LRCH3: variants seen among roughly 807,000 people sequenced by gnomAD.
The protein encoded by LRCH3 is leucine rich repeats and calponin homology domain containing 3, also known as DISP complex protein LRCH3.
A neutral mutation model predicts 104.5 loss-of-function variants in LRCH3; 68 were observed. The ratio of observed to expected loss-of-function variants is 0.65; its 90% confidence interval spans 0.54 to 0.80. The LOEUF is 0.80. LRCH3 is among the 30% of genes least tolerant of loss of function. LRCH3 has a pLI of 0.00. For synonymous variants in LRCH3, 344 were observed against 361.3 expected (o/e 0.95, Z 0.54); for missense variants, 951 against 953.9 (o/e 1.00, Z 0.04).
intron 1 of LRCH3, among the ~76,000 whole-genome samples, chr3:197,794,023 T>C (rs1730919014): frequency 6.6e-6 from 1 of 152,228 alleles, no homozygotes; most frequent in Admixed American, 6.5e-5. Flanking sequence ...CAATAATTTG[T>C]GGATTAAATA....
chr3:197,815,015 A>T lies in LRCH3; in HGVS notation c.370A>T (p.Ile124Phe). 2 of 1,546,040 alleles carry T rather than the reference A, an allele frequency of 1.3e-6. No individual in the cohort carries two copies. Among genetic ancestry groups the T allele is most frequent in the African/African-American group, 2.7e-5 (2 of 73,350 alleles). Residue 124 changes from isoleucine to phenylalanine, a missense_variant, in exon 2 of 21, where the codon ATT becomes TTT. By Grantham distance (21) the Ile-to-Phe change is conservative. Coordinates refer to ENST00000425562, the MANE Select transcript of LRCH3 (RefSeq NM_001365715.1). ...TTGTATTCGTTATATTCCAGAGGCAATTTTAAACCTACAAGCTCTAACATT... is the reference window on the plus strand; with the variant it reads ...TTGTATTCGTTATATTCCAGAGGCATTTTTAAACCTACAAGCTCTAACATT... The part of the protein sequence containing the change: ...QNCIRYIPEA[I>F]LNLQALTFLN...
Position 197,866,150 on chromosome 3 carries a change from C to G in LRCH3, c.1804C>G (p.Gln602Glu). Residue 602 changes from glutamine (Q) to glutamate (E), a missense_variant, in exon 17 of 21, where the codon CAG becomes GAG. By Grantham distance (29) the Gln-to-Glu change is conservative. Transcript: ENST00000425562. The part of the protein sequence containing the change: ...SPAYSFPAAI[Q>E]RNQPQRPESF... Reference sequence around the variant, plus strand: ...TGCATATTCTTTTCCTGCTGCTATCCAGAGAAATCAGCCTCAGCGCCCTGA... The same window carrying G: ...TGCATATTCTTTTCCTGCTGCTATCGAGAGAAATCAGCCTCAGCGCCCTGA... 1 of 1,613,870 alleles carries G rather than the reference C, an allele frequency of 6.2e-7. No individual in the cohort carries two copies. Among genetic ancestry groups the G allele is most frequent in the Non-Finnish European group, 8.5e-7 (1 of 1,179,888 alleles).
chr3:197,812,320 C>T (rs1299965221), intron 1 of LRCH3, among the ~76,000 whole-genome samples: 1 of 151,944 alleles, frequency 6.6e-6, no homozygotes. Flanking sequence ...CATGTTGTAC[C>T]ATGTCAAAGA....
intron 1 of LRCH3, among the ~76,000 whole-genome samples, chr3:197,802,985 A>G (rs1580549491): frequency 6.6e-6 from 1 of 152,222 alleles, no homozygotes; most frequent in Non-Finnish European, 1.5e-5. Flanking sequence ...GAAAAAGTCA[A>G]GCATTCAGAA....
rs753160632 is a variant in LRCH3 at position 197,888,215 on chromosome 3, G to A, written c.*4549G>A. 1 of 152,328 alleles carries A rather than the reference G, an allele frequency of 6.6e-6. No individual in the cohort carries two copies. The highest frequency in any genetic ancestry group is 2.1e-4 in the South Asian group (1 of 4,830). The allele number at this position is 152,328 out of a possible 1,614,324, so 9.4% of individuals were successfully genotyped here. ...CTTTCTATATACACAGTGCAGTTGA[G>A]ATGGTTTACAGCAAATTTCGTTTTA... On this transcript the variant is annotated 3_prime_UTR_variant, in exon 21 of 21. Transcript: ENST00000425562.
At chr3:197,807,391 G>C (rs920016502) in intron 1 of LRCH3, among the ~76,000 whole-genome samples, 5 of 151,596 alleles carry the variant, frequency 3.3e-5, no homozygotes, top group African/African-American at 1.2e-4. Flanking sequence ...TCATTTTTTT[G>C]TATTTCTTTT....
At chr3:197,803,813 A>G (rs1732159753) in intron 1 of LRCH3, among the ~76,000 whole-genome samples, 1 of 152,214 alleles carries the variant, frequency 6.6e-6, no homozygotes, top group Non-Finnish European at 1.5e-5. Context: ...AAGAATCTGC[A>G]TTTGCATTTC....
rs547846838 is a variant in LRCH3, at chr3:197,847,571, T to C, written c.1380+111T>C. The C allele has an allele frequency of 1.3e-5, 10 of 769,330 alleles. No homozygotes were observed. In the East Asian group the frequency reaches 3.1e-4, roughly 24 times the overall value. The allele number at this position is 769,330 out of a possible 1,614,324, so 47.7% of individuals were successfully genotyped here. A position where few individuals can be genotyped will look rare whatever the true frequency, so the allele number is the denominator to read the frequency against. On this transcript the variant is annotated intron_variant, in intron 11 of 20. Transcript: ENST00000425562. The stretch of plus-strand genomic sequence containing the variant: ...CCAGGTATATTTAAGCATTACTAGC[T>C]GTCTCAATCGATTAATATAACATAT...
chr3:197,818,492 A>G (rs1291508914), intron 3 of LRCH3, among the ~76,000 whole-genome samples: 1 of 152,224 alleles, frequency 6.6e-6, no homozygotes, highest in African/African-American at 2.4e-5. Context: ...CACTTTTTCC[A>G]GGTAGATTAT....
At chr3:197,859,189 T>C (rs1036122915) in intron 15 of LRCH3, 5 of 398,072 alleles carry the variant, frequency 1.3e-5, no homozygotes, top group Non-Finnish European at 2.3e-5. Flanking sequence ...ATTATTTCAC[T>C]TTGGTTAGTA....
In LRCH3 at chr3:197,792,577, T is replaced by TA. The variant is rs1730660774; in HGVS notation, c.262+1037_262+1038insA. 7.9e-4 allele frequency among the ~76,000 whole-genome samples: 16 copies of TA among 20,346 alleles called. 1 individual carries two copies. The highest frequency in any genetic ancestry group is 2.7e-3 in the East Asian group (1 of 374). 13.3% of individuals were successfully genotyped at this position (20,346 alleles called of 152,430 possible). On this transcript the variant is annotated intron_variant, in intron 1 of 20. Transcript: ENST00000425562. ...CAGCCGCCACCACGCCCAGCTAATT[T>TA]TATATATATATATATATATATATAT...
chr3:197,850,289 T>G (rs1739387833), intron 12 of LRCH3: 1 of 621,334 alleles, frequency 1.6e-6, no homozygotes, highest in Non-Finnish European at 2.8e-6. Flanking sequence ...AGGCACTATT[T>G]TAAGTACATT....
chr3:197,832,341 T>C, intron 8 of LRCH3, 24 bp downstream of exon 8: 1 of 1,608,874 alleles, frequency 6.2e-7, no homozygotes, highest in Non-Finnish European at 8.5e-7. Context: ...CGGTGACAGC[T>C]AAAGTGTTTG....
intron 17 of LRCH3, among the ~76,000 whole-genome samples, chr3:197,869,068 T>A (rs1007811295): frequency 6.6e-6 from 1 of 152,254 alleles, no homozygotes; most frequent in African/African-American, 2.4e-5. Flanking sequence ...TTCTCTGTTG[T>A]GTATATTTGA....
rs1553912025 is a variant in LRCH3 at position 197,792,604 on chromosome 3, T to TATATATAA, written c.262+1065_262+1066insTATATAAA. On this transcript the variant is annotated intron_variant, in intron 1 of 20. Transcript: ENST00000425562. Reference sequence around the variant, plus strand: ...ATATATATATATATATATATATATATAAAATATACATATATATATAATATA... The same window carrying TATATATAA: ...ATATATATATATATATATATATATATATATATAAAAAATATACATATATATATAATATA... Among the ~76,000 whole-genome samples, 12 of 58,518 alleles carry TATATATAA rather than the reference T, an allele frequency of 2.1e-4. 1 individual carries two copies. The highest frequency in any genetic ancestry group is 4.4e-4 in the Non-Finnish European group (12 of 27,430). 38.4% of individuals were successfully genotyped at this position (58,518 alleles called of 152,430 possible).
In LRCH3 at chr3:197,847,483, A is replaced by G. The variant is rs776848272; in HGVS notation, c.1380+23A>G. ...CAGGTAATGTTTAGTAGTTGTGTTTATTTTTGCTTTTTAAACTAAGATGAT... is the reference window on the plus strand; with the variant it reads ...CAGGTAATGTTTAGTAGTTGTGTTTGTTTTTGCTTTTTAAACTAAGATGAT... On this transcript the variant is annotated intron_variant, in intron 11 of 20. Coordinates refer to ENST00000425562, the MANE Select transcript of LRCH3 (RefSeq NM_001365715.1). The G allele has an allele frequency of 1.1e-4, 180 of 1,565,542 alleles. 2 individuals carry two copies. The Admixed American group carries it at 3.8e-3, about 33-fold the overall frequency.
Position 197,814,944 on chromosome 3 carries a change from A to C in LRCH3, c.299A>C (p.Glu100Ala). Residue 100 changes from glutamate to alanine, a missense_variant, in exon 2 of 21, where the codon GAA becomes GCA. By Grantham distance (107) the Glu-to-Ala change is moderately radical. Coordinates refer to ENST00000425562, the MANE Select transcript of LRCH3 (RefSeq NM_001365715.1). ...AATCGCCTTTCAGAAATTCCTATAG[A>C]AGCATGTCACTTTGTTTCTCTGGAA... ...SRNRLSEIPI[E>A]ACHFVSLENL... 1.2e-6 allele frequency: 2 copies of C among 1,601,040 alleles called. No homozygotes were observed. The highest frequency in any genetic ancestry group is 2.3e-5 in the South Asian group (2 of 86,420).
intron 5 of LRCH3, among the ~76,000 whole-genome samples, chr3:197,828,693 A>G (rs1200052924): frequency 1.5e-5 from 2 of 135,586 alleles, no homozygotes; most frequent in Admixed American, 1.6e-4. Flanking sequence ...TTGTACAAGC[A>G]TATGTTACTC....
rs1251247077 is a variant in LRCH3 at position 197,852,608 on chromosome 3, C to T, written c.1578C>T (p.Gly526=). The T allele has an allele frequency of 1.4e-5, 22 of 1,613,706 alleles. No individual in the cohort carries two copies. Among genetic ancestry groups the T allele is most frequent in the Admixed American group, 6.7e-5 (4 of 59,970 alleles). Residue 526 remains glycine (G), a synonymous_variant, in exon 13 of 21, where the codon GGC becomes GGT. Coordinates refer to ENST00000425562, the MANE Select transcript of LRCH3 (RefSeq NM_001365715.1). The stretch of plus-strand genomic sequence containing the variant: ...AAAAACAGCACCCGCTCCTAGATGG[C>T]GTAGATGGTGAGGTAAGTTGATGTA... ...SPQKQHPLLD[G]VDGECPFPSR... is the part of the protein sequence containing the mutation.
Sources: allele counts gnomAD v4.1 joint callset (sites outside exome capture counted in the v4.1 genomes callset), GRCh38; gene constraint gnomAD v4.1.1; transcripts MANE v1.5; gene names NCBI Gene and HGNC (gene_info 2026-07-23, HGNC 2026-07-21).